The following CCDC7 variants were observed in gnomAD, a reference collection of about 807,000 sequenced individuals.
The protein encoded by CCDC7 is coiled-coil domain-containing protein 7.
A neutral mutation model predicts 196.9 loss-of-function variants in CCDC7; 183 were observed. The ratio of observed to expected loss-of-function variants is 0.93; its 90% CI spans 0.82 to 1.05. CCDC7 has a LOEUF of 1.05. CCDC7 is among the 50% of genes least tolerant of loss of function. CCDC7 has a pLI of 0.00. For missense variants in CCDC7, 1,540 were observed against 1,482.2 expected (o/e 1.04, Z -0.64); for synonymous variants, 525 against 484.6 (o/e 1.08, Z -1.10).
At chr10:32,586,563 G>A (rs1009092594) in intron 18 of CCDC7, among the ~76,000 whole-genome samples, 3 of 152,100 alleles carry the variant, frequency 2.0e-5, no homozygotes, top group African/African-American at 7.2e-5. Context: ...AAGGTGTAAG[G>A]AAGGGATCCA....
intron 41 of CCDC7, among the ~76,000 whole-genome samples, chr10:32,871,386 G>A (rs376049250): frequency 3.6e-4 from 54 of 151,692 alleles, no homozygotes; most frequent in African/African-American, 9.9e-4. Flanking sequence ...GTTTATTTGC[G>A]TAGAGGTGTT....
chr10:32,784,669 T>C (rs906255626), intron 29 of CCDC7, among the ~76,000 whole-genome samples: 2 of 151,078 alleles, frequency 1.3e-5, no homozygotes, highest in African/African-American at 4.9e-5. Context: ...CCTCCCGGAT[T>C]CAAGCGATTC....
chr10:32,718,985 G>A (rs188767571), intron 25 of CCDC7, among the ~76,000 whole-genome samples: 144 of 152,262 alleles, frequency 9.5e-4, no homozygotes, highest in Non-Finnish European at 1.6e-3. Context: ...TTCCCATCAA[G>A]CTATCATTGA....
intron 29 of CCDC7, among the ~76,000 whole-genome samples, chr10:32,792,939 C>A (rs1187383033): frequency 6.6e-6 from 1 of 152,120 alleles, no homozygotes; most frequent in African/African-American, 2.4e-5. Context: ...GGCAAAAGAT[C>A]TACAAAATAA....
intron 21 of CCDC7, among the ~76,000 whole-genome samples, chr10:32,673,984 T>C (rs890770426): frequency 3.9e-5 from 6 of 151,986 alleles, no homozygotes; most frequent in Admixed American, 3.9e-4. Flanking sequence ...TAGTTTTATT[T>C]ATTTGAGTCT....
At chr10:32,520,121 A>G (rs1210052033) in intron 11 of CCDC7, among the ~76,000 whole-genome samples, 1 of 152,054 alleles carries the variant, frequency 6.6e-6, no homozygotes, top group Non-Finnish European at 1.5e-5. Context: ...TCATACGCTG[A>G]TGGACACAGA....
chr10:32,502,130 T>TTGAG (rs1289100652), intron 9 of CCDC7, among the ~76,000 whole-genome samples: 6 of 151,968 alleles, frequency 3.9e-5, no homozygotes, highest in Admixed American at 2.6e-4. Flanking sequence ...CTAGCAGAGA[T>TTGAG]AATTTCAAGC....
At chr10:32,774,192 A>G (rs1450302085) in intron 28 of CCDC7, among the ~76,000 whole-genome samples, 2 of 152,246 alleles carry the variant, frequency 1.3e-5, no homozygotes, top group South Asian at 2.1e-4. Flanking sequence ...CTTCAGCACT[A>G]TGGGCCATCC....
intron 20 of CCDC7, among the ~76,000 whole-genome samples, chr10:32,643,701 A>T (rs1460894139): frequency 6.6e-6 from 1 of 151,986 alleles, no homozygotes; most frequent in Non-Finnish European, 1.5e-5. Context: ...TGGAAAAATA[A>T]AATTGACTTT....
chr10:32,686,594 G>C (rs1223589705), intron 22 of CCDC7, among the ~76,000 whole-genome samples: 1 of 152,200 alleles, frequency 6.6e-6, no homozygotes, highest in Non-Finnish European at 1.5e-5. Context: ...ACTTTAAAAT[G>C]ATTGCAATCA....
At chr10:32,711,572 A>G (rs757995786) in intron 24 of CCDC7, 48 bp from the exon 26 acceptor site, 22 of 1,119,820 alleles carry the variant, frequency 2.0e-5, no homozygotes, top group Non-Finnish European at 2.7e-5. Context: ...AGGATTTCAT[A>G]GTAGATTTGT....
intron 41 of CCDC7, 26 bp downstream of exon 42, chr10:32,854,515 A>G (rs1370801348): frequency 7.6e-7 from 1 of 1,323,288 alleles, no homozygotes; most frequent in East Asian, 2.3e-5. Flanking sequence ...CAATACAGAC[A>G]TATGAAATAA....
intron 18 of CCDC7, among the ~76,000 whole-genome samples, chr10:32,603,160 A>AT (rs2061238499): frequency 1.5e-5 from 2 of 137,748 alleles, no homozygotes; most frequent in Admixed American, 1.4e-4. Context: ...CATGAAATTC[A>AT]CTTTTTTTTT....
chr10:32,642,301 G>C (rs1203097698), intron 20 of CCDC7, among the ~76,000 whole-genome samples: 1 of 152,232 alleles, frequency 6.6e-6, no homozygotes, highest in Non-Finnish European at 1.5e-5. Flanking sequence ...GCTCCACCCA[G>C]TTTGAGTTTC....
intron 24 of CCDC7, among the ~76,000 whole-genome samples, chr10:32,703,522 T>C (rs111776370): frequency 1.6e-4 from 24 of 152,040 alleles, no homozygotes; most frequent in African/African-American, 5.6e-4. Flanking sequence ...GGAGTATCTT[T>C]GTGGCATTCT....
rs148810816 is a variant in CCDC7, at chr10:32,808,176, C to A, written c.3097+3078C>A. On this transcript the variant is annotated intron_variant, in intron 30 of 41. Transcript: ENST00000639629. ...GATTTCCCCACCCTGCCTGCCAAAG[C>A]ATGTGCCCATGCATACCATTGGGGG... is the stretch of plus-strand genomic sequence containing the variant. 5.9e-5 allele frequency among the ~76,000 whole-genome samples: 9 copies of A among 152,320 alleles called. No homozygotes were observed. In the East Asian group the frequency reaches 1.5e-3, roughly 26 times the overall value.
chr10:32,656,438 G>A (rs2069879565), intron 20 of CCDC7, among the ~76,000 whole-genome samples: 1 of 150,252 alleles, frequency 6.7e-6, no homozygotes, highest in African/African-American at 2.5e-5. Flanking sequence ...AGTTCTGCAT[G>A]GCTGGGTGGC....
chr10:32,572,834 G>T (rs1024724514), intron 16 of CCDC7, among the ~76,000 whole-genome samples: 1 of 144,796 alleles, frequency 6.9e-6, no homozygotes, highest in African/African-American at 2.5e-5. Flanking sequence ...GTATCATGTA[G>T]AAATAGGAAG....
At chr10:32,603,421 G>A (rs1427155859) in intron 18 of CCDC7, among the ~76,000 whole-genome samples, 1 of 152,040 alleles carries the variant, frequency 6.6e-6, no homozygotes, top group East Asian at 1.9e-4. Context: ...GGATGGTGTA[G>A]GTATTCCTTT....
Sources: gnomAD v4.1 joint callset for allele counts (sites outside exome capture counted in the v4.1 genomes callset) on GRCh38, gnomAD v4.1.1 for gene constraint, MANE v1.5 for transcripts, NCBI Gene and HGNC (gene_info 2026-07-23, HGNC 2026-07-21) for gene names.